Variants in ASTN2 observed in about 807,000 individuals in gnomAD.
ASTN2 encodes astrotactin 2.
ASTN2 carries 54 observed loss-of-function variants against 139.8 expected under a neutral mutation model. The ratio of observed to expected loss-of-function variants is 0.39; its 90% CI spans 0.31 to 0.48. The LOEUF (loss-of-function observed/expected upper bound fraction) is 0.48, where lower values mean the gene tolerates loss of function less well. ASTN2 is among the 20% of genes least tolerant of loss of function. ASTN2 has a pLI of 0.95. For missense variants in ASTN2, 1,565 were observed against 1,725.1 expected (o/e 0.91, Z 1.64); for synonymous variants, 756 against 719.5 (o/e 1.05, Z -0.81).
intron 1 of ASTN2, among the ~76,000 whole-genome samples, chr9:117,298,544 A>G (rs1394108223): frequency 1.3e-5 from 2 of 152,066 alleles, no homozygotes; most frequent in African/African-American, 4.8e-5. Context: ...ATACAAACAA[A>G]TTAGCTGTTA....
intron 3 of ASTN2, among the ~76,000 whole-genome samples, chr9:117,145,620 C>T (rs1046612008): frequency 1.2e-4 from 18 of 151,412 alleles, no homozygotes; most frequent in African/African-American, 4.4e-4. Flanking sequence ...ACCATGTCTC[C>T]CTGCCTTTTC....
intron 5 of ASTN2, among the ~76,000 whole-genome samples, chr9:117,042,006 G>A (rs1006165874): frequency 7.2e-5 from 11 of 152,132 alleles, no homozygotes; most frequent in Admixed American, 7.2e-4. Flanking sequence ...GGCAAGCAGC[G>A]TCTTTTGCTT....
chr9:117,080,038 A>G (rs1434617779), intron 5 of ASTN2, among the ~76,000 whole-genome samples: 5 of 152,244 alleles, frequency 3.3e-5, no homozygotes, highest in African/African-American at 9.6e-5. Context: ...GCGAGGACAC[A>G]TAACTATGTG....
chr9:116,834,993 G>A (rs1201185268), intron 11 of ASTN2, among the ~76,000 whole-genome samples: 1 of 152,184 alleles, frequency 6.6e-6, no homozygotes, highest in Non-Finnish European at 1.5e-5. Flanking sequence ...AGGCTGCAGT[G>A]AGCTGTGGTT....
At chr9:117,099,354 C>A (rs1190816514) in intron 4 of ASTN2, among the ~76,000 whole-genome samples, 1 of 152,118 alleles carries the variant, frequency 6.6e-6, no homozygotes, top group Non-Finnish European at 1.5e-5. Flanking sequence ...GCAAAATTCT[C>A]ACTCCCTTCC....
intron 11 of ASTN2, among the ~76,000 whole-genome samples, chr9:116,852,174 A>C (rs1220142045): frequency 6.6e-6 from 1 of 152,146 alleles, no homozygotes; most frequent in Admixed American, 6.5e-5. Flanking sequence ...CTAGCTCAAC[A>C]AGCTCCTCTC....
intron 10 of ASTN2, among the ~76,000 whole-genome samples, chr9:116,868,269 A>G (rs946319653): frequency 6.6e-6 from 1 of 152,096 alleles, no homozygotes; most frequent in Non-Finnish European, 1.5e-5. Context: ...TTTATACCCA[A>G]TGTGCAGCTG....
intron 13 of ASTN2, among the ~76,000 whole-genome samples, chr9:116,771,170 T>C (rs1431993147): frequency 6.6e-6 from 1 of 152,198 alleles, no homozygotes; most frequent in Non-Finnish European, 1.5e-5. Context: ...CTACATCAGG[T>C]ACTCCTTGCA....
Position 116,641,320 on chromosome 9 carries a change from G to A in ASTN2, c.3072+10208C>T, listed in dbSNP as rs376750701. The stretch of plus-strand genomic sequence containing the variant: ...TTTATTTAAAATTTGAAGAAGAGAA[G>A]CTAGTAGAGAGGAAAGTGAGAAGAG... On this transcript the variant is annotated intron_variant, in intron 17 of 22. Transcript: ENST00000313400. Among the ~76,000 whole-genome samples the A allele has an allele frequency of 2.9e-4, 44 of 152,268 alleles. 2 individuals are homozygous for A. The highest frequency in any genetic ancestry group is 1.0e-3 in the African/African-American group (42 of 41,566).
chr9:117,138,303 A>G (rs1171364610), intron 4 of ASTN2, among the ~76,000 whole-genome samples: 1 of 152,168 alleles, frequency 6.6e-6, no homozygotes, highest in Admixed American at 6.5e-5. Flanking sequence ...AGGAGCTGAC[A>G]TTTGAAAGGC....
At chr9:116,632,128 AAGAGAGAGAGAGAG>A (rs145360209) in intron 17 of ASTN2, among the ~76,000 whole-genome samples, 2 of 47,758 alleles carry the variant, frequency 4.2e-5, no homozygotes, top group Non-Finnish European at 7.6e-5. Flanking sequence ...AAAGAAAAAG[AAGAGAGAGAGAGAG>A]AGAGAGAGAG....
At chr9:117,217,283 C>G (rs1240590356) in intron 2 of ASTN2, among the ~76,000 whole-genome samples, 1 of 152,146 alleles carries the variant, frequency 6.6e-6, no homozygotes, top group Non-Finnish European at 1.5e-5. Context: ...CCTGACCATG[C>G]CCTCTGTCTT....
chr9:117,283,603 C>A (rs545809832), intron 2 of ASTN2, among the ~76,000 whole-genome samples: 5 of 152,294 alleles, frequency 3.3e-5, no homozygotes, highest in Non-Finnish European at 5.9e-5. Context: ...GATCATGGAG[C>A]ATATTGGTGG....
chr9:117,052,926 G>C (rs772443203), intron 5 of ASTN2, among the ~76,000 whole-genome samples: 3 of 152,188 alleles, frequency 2.0e-5, no homozygotes, highest in African/African-American at 4.8e-5. Context: ...ACCAGGATTG[G>C]ACTGGATATC....
intron 19 of ASTN2, among the ~76,000 whole-genome samples, chr9:116,591,819 T>C (rs1240384232): frequency 6.6e-6 from 1 of 152,242 alleles, no homozygotes; most frequent in East Asian, 1.9e-4. Flanking sequence ...ACTGGTTATA[T>C]GGCTGTGTTC....
intron 2 of ASTN2, among the ~76,000 whole-genome samples, chr9:117,280,518 T>C (rs1359873884): frequency 6.6e-6 from 1 of 152,060 alleles, no homozygotes; most frequent in African/African-American, 2.4e-5. Context: ...CACAGGAGAA[T>C]GTAGTATGGA....
intron 20 of ASTN2, among the ~76,000 whole-genome samples, chr9:116,445,181 G>A (rs1483933619): frequency 6.6e-6 from 1 of 152,110 alleles, no homozygotes; most frequent in Admixed American, 6.5e-5. Context: ...ATAAATGAAT[G>A]AATGAAAGCA....
At chr9:116,774,631 T>G (rs1191664241) in intron 13 of ASTN2, among the ~76,000 whole-genome samples, 1 of 152,150 alleles carries the variant, frequency 6.6e-6, no homozygotes, top group Non-Finnish European at 1.5e-5. Flanking sequence ...GTGGATTTGA[T>G]CCCTGGCCAT....
intron 20 of ASTN2, among the ~76,000 whole-genome samples, chr9:116,475,352 C>G (rs1419450646): frequency 1.3e-5 from 2 of 151,988 alleles, no homozygotes; most frequent in African/African-American, 4.8e-5. Context: ...CTGGCAAGTT[C>G]CTCCTTACAA....
Sources: gnomAD v4.1 joint callset for allele counts (sites outside exome capture counted in the v4.1 genomes callset) on GRCh38, gnomAD v4.1.1 for gene constraint, MANE v1.5 for transcripts, NCBI Gene and HGNC (gene_info 2026-07-23, HGNC 2026-07-21) for gene names.